DBT: variants seen among roughly 807,000 people sequenced by gnomAD.
The protein encoded by DBT is dihydrolipoamide branched chain transacylase E2.
Under a neutral mutation model 51.3 loss-of-function variants are expected in DBT, and 40 were observed. The observed-to-expected ratio is 0.78, with a 90% CI of 0.61 to 1.02. The LOEUF (loss-of-function observed/expected upper bound fraction) is 1.02. Among genes scored for constraint, DBT ranks in the 50% least tolerant of loss-of-function variants. DBT has a pLI of 0.00. For missense variants in DBT, 510 were observed against 580.2 expected (o/e 0.88, Z 1.24); for synonymous variants, 181 against 190.4 (o/e 0.95, Z 0.41).
intron 4 of DBT, among the ~76,000 whole-genome samples, chr1:100,219,999 G>A (rs1307269086): frequency 6.6e-6 from 1 of 151,990 alleles, no homozygotes; most frequent in African/African-American, 2.4e-5. Flanking sequence ...TTTAAAATTA[G>A]CCAGGTGTGG....
At chr1:100,229,602 C>T (rs956533304) in intron 4 of DBT, among the ~76,000 whole-genome samples, 4 of 152,292 alleles carry the variant, frequency 2.6e-5, no homozygotes, top group Non-Finnish European at 5.9e-5. Flanking sequence ...GTTATTGTTC[C>T]ACCGACTGTA....
intron 1 of DBT, among the ~76,000 whole-genome samples, chr1:100,246,900 T>G (rs866898131): frequency 9.2e-5 from 14 of 152,112 alleles, no homozygotes; most frequent in Non-Finnish European, 4.4e-5. Flanking sequence ...GATGAGTAGG[T>G]GTAACCCCGG....
chr1:100,207,926 A>G (rs1382410926), intron 8 of DBT, among the ~76,000 whole-genome samples: 1 of 152,038 alleles, frequency 6.6e-6, no homozygotes, highest in African/African-American at 2.4e-5. Context: ...AGGTCAGGAG[A>G]TGGAGACCAT....
chr1:100,213,207 G>T lies in DBT; in HGVS notation c.939+1610C>A, dbSNP rs1431921979. ...TGAGAATTAAGAGATAATGGGCCCT[G>T]CCCCGCGTCTGCCTCAGAGGGGCCC... On this transcript the variant is annotated intron_variant, in intron 7 of 10. Transcript: ENST00000370132. 3 of 601,314 alleles carry T rather than the reference G, an allele frequency of 5.0e-6. No individual in the cohort carries two copies. In the Admixed American group the frequency reaches 1.4e-4, roughly 27 times the overall value. 37.2% of individuals were successfully genotyped at this position (601,314 alleles called of 1,614,324 possible).
chr1:100,237,471 T>C (rs566002013), intron 2 of DBT, among the ~76,000 whole-genome samples: 1 of 152,308 alleles, frequency 6.6e-6, no homozygotes, highest in South Asian at 2.1e-4. Context: ...TTAACTGATA[T>C]GGAATCCTAT....
intron 1 of DBT, among the ~76,000 whole-genome samples, chr1:100,247,000 GAC>G (rs57411954): frequency 0.023 from 3,484 of 152,254 alleles, 128 homozygotes; most frequent in African/African-American, 0.079. Context: ...CTGGAGTTGA[GAC>G]AGAAAGCACA....
intron 4 of DBT, among the ~76,000 whole-genome samples, chr1:100,224,652 C>T (rs973072669): frequency 2.0e-5 from 3 of 152,076 alleles, no homozygotes; most frequent in Admixed American, 6.6e-5. Flanking sequence ...ATAACCTATC[C>T]AATGCCATTA....
At chr1:100,213,687 G>A in intron 7 of DBT, 1 of 1,606,818 alleles carries the variant, frequency 6.2e-7, no homozygotes, top group South Asian at 1.1e-5. Flanking sequence ...CACCAGGCTC[G>A]GCCTTTCCTA....
rs796904392 is a variant in DBT at position 100,195,932 on chromosome 1, T to C, written c.*323A>G. ...CGCCCACCTGGGCCTCCCAAAGTGC[T>C]GGGATTACAGGCGTGAGCCACCATG... On this transcript the variant is annotated 3_prime_UTR_variant, in exon 11 of 11. Transcript: ENST00000370132. 8.9e-6 allele frequency: 3 copies of C among 335,660 alleles called. No individual in the cohort carries two copies. Among genetic ancestry groups the C allele is most frequent in the South Asian group, 8.4e-5 (3 of 35,906 alleles). 20.8% of individuals were successfully genotyped at this position (335,660 alleles called of 1,614,324 possible).
intron 4 of DBT, among the ~76,000 whole-genome samples, chr1:100,220,809 T>G (rs1389847900): frequency 6.6e-6 from 1 of 152,248 alleles, no homozygotes; most frequent in African/African-American, 2.4e-5. Flanking sequence ...ATAGCCCTAG[T>G]AAATTTTCCT....
At chr1:100,232,722 G>A (rs950952602) in intron 3 of DBT, among the ~76,000 whole-genome samples, 1 of 152,076 alleles carries the variant, frequency 6.6e-6, no homozygotes, top group Non-Finnish European at 1.5e-5. Context: ...TCTCACCTCA[G>A]CCTCCCAAGT....
At chr1:100,206,322 AAG>A (rs1388540543) in intron 9 of DBT, 21 bp from the exon 10 acceptor site, 2 of 1,600,948 alleles carry the variant, frequency 1.2e-6, no homozygotes, top group Admixed American at 3.4e-5. Flanking sequence ...AAAAAAAAAA[AAG>A]GAGAGTATTA....
At chr1:100,236,101 T>G (rs1377856377) in intron 2 of DBT, among the ~76,000 whole-genome samples, 1 of 152,068 alleles carries the variant, frequency 6.6e-6, no homozygotes, top group Non-Finnish European at 1.5e-5. Flanking sequence ...TCCTTTTTTT[T>G]TTTGGAGACA....
chr1:100,240,958 T>A, intron 1 of DBT, 74 bp from the exon 2 acceptor site: 2 of 1,362,130 alleles, frequency 1.5e-6, no homozygotes, highest in Non-Finnish European at 2.1e-6. Context: ...ATAAATTGAA[T>A]TTCAATTCCA....
chr1:100,201,693 T>G (rs766256573), intron 10 of DBT, among the ~76,000 whole-genome samples: 3 of 152,180 alleles, frequency 2.0e-5, no homozygotes, highest in Non-Finnish European at 4.4e-5. Flanking sequence ...CCCATCAGAC[T>G]AACAGTGGAT....
At chr1:100,213,308 C>A in intron 7 of DBT, 2 of 1,487,172 alleles carry the variant, frequency 1.3e-6, no homozygotes, top group Admixed American at 2.2e-5. Context: ...CCACAAGACT[C>A]TGCTGCAGGA....
In DBT at chr1:100,190,853, G is replaced by A. The variant is rs998900681; in HGVS notation, c.*5402C>T. ...AGCCTGGGAAGACGTTTGGGTAGGT[G>A]CTTAAAATTAGAAGAAAAGACCCGA... On this transcript the variant is annotated 3_prime_UTR_variant, in exon 11 of 11. Coordinates refer to ENST00000370132, the MANE Select transcript of DBT (RefSeq NM_001918.5). 2 of 152,200 alleles carry A rather than the reference G, an allele frequency of 1.3e-5. No homozygotes were observed. Among genetic ancestry groups the A allele is most frequent in the Admixed American group, 1.3e-4 (2 of 15,276 alleles). The allele number at this position is 152,200 out of a possible 1,614,324, so 9.4% of individuals were successfully genotyped here. A position where few individuals can be genotyped will look rare whatever the true frequency, so the allele number is the denominator to read the frequency against.
chr1:100,232,496 T>C lies in DBT; in HGVS notation c.252-1582A>G, dbSNP rs2089014524. Among the ~76,000 whole-genome samples, 2 of 152,214 alleles carry C rather than the reference T, an allele frequency of 1.3e-5. 1 individual carries two copies. Among genetic ancestry groups the C allele is most frequent in the South Asian group, 4.1e-4 (2 of 4,836 alleles). On this transcript the variant is annotated intron_variant, in intron 3 of 10. Transcript: ENST00000370132. Reference sequence around the variant, plus strand: ...TGTTTGTAACTTTAAAAAAAAATCCTATCTGATTTACAAGACAACCACATT... The same window carrying C: ...TGTTTGTAACTTTAAAAAAAAATCCCATCTGATTTACAAGACAACCACATT...
At chr1:100,245,066 AGAG>A (rs1020415461) in intron 1 of DBT, among the ~76,000 whole-genome samples, 48 of 152,316 alleles carry the variant, frequency 3.2e-4, no homozygotes, top group African/African-American at 1.1e-3. Context: ...GCAACAGGAA[AGAG>A]GAGAAGAAAT....
Sources: gnomAD v4.1 joint callset for allele counts (sites outside exome capture counted in the v4.1 genomes callset) on GRCh38, gnomAD v4.1.1 for gene constraint, MANE v1.5 for transcripts, NCBI Gene and HGNC (gene_info 2026-07-23, HGNC 2026-07-21) for gene names.